The following NRXN3 variants were observed in gnomAD, a reference collection of about 807,000 sequenced individuals.
NRXN3 encodes the protein neurexin III.
In NRXN3, 32 loss-of-function variants were observed where a neutral mutation model predicts 137.6. The observed-to-expected ratio is 0.23, with a 90% confidence interval of 0.18 to 0.31. The LOEUF (loss-of-function observed/expected upper bound fraction) is 0.31, where lower values mean the gene tolerates loss of function less well. Among genes scored for constraint, NRXN3 ranks in the 10% least tolerant of loss-of-function variants. The pLI, the probability that NRXN3 is intolerant of heterozygous loss-of-function variation, is 1.00. For synonymous variants in NRXN3, 798 were observed against 784.5 expected, an observed-to-expected ratio of 1.02 and a Z score of -0.29; for missense variants, 1,574 against 2,062.5, an observed-to-expected ratio of 0.76 and a Z score of 4.59.
chr14:78,475,350 A>C (rs1202511305), intron 4 of NRXN3, among the ~76,000 whole-genome samples: 1 of 152,214 alleles, frequency 6.6e-6, no homozygotes, highest in Non-Finnish European at 1.5e-5. Context: ...GTGTTAACAC[A>C]TAGGGGCAAG....
At chr14:79,142,062 T>C (rs956463879) in intron 15 of NRXN3, among the ~76,000 whole-genome samples, 2 of 151,902 alleles carry the variant, frequency 1.3e-5, no homozygotes, top group Admixed American at 6.6e-5. Flanking sequence ...TTTTGGGGGG[T>C]TCACGGAAAG....
At chr14:78,265,120 T>C (rs1264952567) in intron 2 of NRXN3, among the ~76,000 whole-genome samples, 1 of 152,252 alleles carries the variant, frequency 6.6e-6, no homozygotes, top group Admixed American at 6.5e-5. Flanking sequence ...TTTATTGCAT[T>C]TATAAACACA....
At chr14:78,687,208 G>A (rs2098132538) in intron 6 of NRXN3, among the ~76,000 whole-genome samples, 1 of 152,172 alleles carries the variant, frequency 6.6e-6, no homozygotes. Context: ...ATGGTAAGAA[G>A]TTTGGATTTT....
chr14:78,894,941 G>A (rs1402411502), intron 10 of NRXN3, among the ~76,000 whole-genome samples: 2 of 150,472 alleles, frequency 1.3e-5, no homozygotes, highest in African/African-American at 4.9e-5. Flanking sequence ...TAGGCTTAAA[G>A]TATTCAGTAA....
At position 79,867,405 on chromosome 14, in the gene NRXN3, A is replaced by C. The variant is rs1347828522; in HGVS notation, c.*5441A>C. The C allele has an allele frequency of 6.6e-6, 1 of 152,236 alleles. No homozygotes were observed. Among genetic ancestry groups the C allele is most frequent in the African/African-American group, 2.4e-5 (1 of 41,456 alleles). 9.4% of individuals were successfully genotyped at this position (152,236 alleles called of 1,614,324 possible). The stretch of plus-strand genomic sequence containing the variant: ...GTTTGTTAGGGCTCAGTTTCTGGGA[A>C]GGGCTCTCTTCCTGGCTTGTAGATA... On this transcript the variant is annotated 3_prime_UTR_variant, in exon 21 of 21. Transcript: ENST00000335750.
intron 16 of NRXN3, among the ~76,000 whole-genome samples, 170 bp downstream of exon 16, chr14:79,467,572 A>T (rs1272719031): frequency 6.6e-6 from 1 of 152,182 alleles, no homozygotes; most frequent in African/African-American, 2.4e-5. Context: ...GGGGAAAAAA[A>T]CTTAAAAACT....
At chr14:78,615,077 T>C in intron 4 of NRXN3, 1 of 456,678 alleles carries the variant, frequency 2.2e-6, no homozygotes, top group Non-Finnish European at 4.4e-6. Flanking sequence ...AGGCTAATTG[T>C]CCCTTACAAG....
At chr14:79,511,903 GTTC>G (rs986877870) in intron 16 of NRXN3, among the ~76,000 whole-genome samples, 3 of 152,130 alleles carry the variant, frequency 2.0e-5, no homozygotes, top group Admixed American at 6.5e-5. Flanking sequence ...TTTTGTTGTT[GTTC>G]TTGTTGTTGT....
chr14:79,301,451 C>T (rs2153223537), intron 15 of NRXN3, among the ~76,000 whole-genome samples: 1 of 152,134 alleles, frequency 6.6e-6, no homozygotes, highest in East Asian at 1.9e-4. Flanking sequence ...ATAGGTGCCA[C>T]TCAACCTGCG....
Position 78,827,180 on chromosome 14 carries a change from G to T in NRXN3, c.2275+16836G>T, listed in dbSNP as rs78481932. The stretch of plus-strand genomic sequence containing the variant: ...CCTAAATTACCATTTCATTTCTGTT[G>T]CTGATCATCAGCAACTAGAAGACAG... On this transcript the variant is annotated intron_variant, in intron 10 of 20. Coordinates refer to ENST00000335750, the MANE Select transcript of NRXN3 (RefSeq NM_001330195.2). Among the ~76,000 whole-genome samples the T allele has an allele frequency of 9.4e-3, 1,417 of 151,068 alleles. 18 individuals carry two copies. The highest frequency in any genetic ancestry group is 0.033 in the African/African-American group (1,344 of 41,146).
At chr14:79,691,943 C>A (rs941590098) in intron 17 of NRXN3, among the ~76,000 whole-genome samples, 15 of 152,074 alleles carry the variant, frequency 9.9e-5, no homozygotes, top group African/African-American at 3.4e-4. Context: ...CTTAAGGATT[C>A]CCATTCCATG....
At chr14:78,957,431 G>C in intron 11 of NRXN3, 70 bp downstream of exon 11, 2 of 1,544,038 alleles carry the variant, frequency 1.3e-6, no homozygotes, top group Non-Finnish European at 8.8e-7. Context: ...TGAGCAAACA[G>C]TGTTTTGCAA....
intron 4 of NRXN3, among the ~76,000 whole-genome samples, chr14:78,459,617 A>C (rs2094858373): frequency 6.6e-6 from 1 of 152,184 alleles, no homozygotes; most frequent in South Asian, 2.1e-4. Flanking sequence ...GGAAAAACCC[A>C]GTGTCCCCTC....
intron 7 of NRXN3, 80 bp downstream of exon 7, chr14:78,709,735 A>G: frequency 7.9e-7 from 1 of 1,266,624 alleles, no homozygotes; most frequent in South Asian, 1.4e-5. Flanking sequence ...TATGTTTCTT[A>G]ATTTTCACCC....
intron 15 of NRXN3, among the ~76,000 whole-genome samples, chr14:79,402,259 G>A (rs1036591235): frequency 1.3e-5 from 2 of 152,046 alleles, no homozygotes; most frequent in African/African-American, 4.8e-5. Context: ...CTAAAATTCA[G>A]TTACTCTCTC....
chr14:78,229,452 C>A (rs1252893157), intron 1 of NRXN3, among the ~76,000 whole-genome samples: 1 of 152,078 alleles, frequency 6.6e-6, no homozygotes, highest in Non-Finnish European at 1.5e-5. Flanking sequence ...CTTTCTTCAT[C>A]TATTGAATGA....
At chr14:78,979,016 A>C (rs183722880) in intron 14 of NRXN3, among the ~76,000 whole-genome samples, 6 of 151,966 alleles carry the variant, frequency 3.9e-5, no homozygotes, top group Non-Finnish European at 7.4e-5. Context: ...GAATATGGCT[A>C]TCTCACCTCA....
At chr14:79,575,002 A>G (rs9323674) in intron 16 of NRXN3, among the ~76,000 whole-genome samples, 23,915 of 152,008 alleles carry the variant, frequency 0.16, 2,345 homozygotes, top group African/African-American at 0.28. Context: ...TCTCTTTTTT[A>G]TGTTGTTCAT....
intron 17 of NRXN3, among the ~76,000 whole-genome samples, chr14:79,680,419 AC>A (rs772341848): frequency 6.5e-4 from 98 of 151,374 alleles, no homozygotes; most frequent in Non-Finnish European, 7.5e-4. Context: ...AAAAGGTAAA[AC>A]CAAGGTTGCA....
Sources: allele counts gnomAD v4.1 joint callset (sites outside exome capture counted in the v4.1 genomes callset), GRCh38; gene constraint gnomAD v4.1.1; transcripts MANE v1.5; gene names NCBI Gene and HGNC (gene_info 2026-07-23, HGNC 2026-07-21).